ZNF366: variants seen among roughly 807,000 people sequenced by gnomAD.
ZNF366 encodes dendritic cell-specific transcript protein.
A neutral mutation model predicts 47.2 loss-of-function variants in ZNF366; 20 were observed. The ratio of observed to expected loss-of-function variants is 0.42; its 90% confidence interval spans 0.30 to 0.62. ZNF366 has a LOEUF of 0.62. ZNF366 is among the 20% of genes least tolerant of loss of function. The probability of loss-of-function intolerance (pLI) is 0.16; values close to 1 mark genes in which losing one functional copy is unlikely to be tolerated. For missense variants in ZNF366, 987 were observed against 976.3 expected, an observed-to-expected ratio of 1.01 and a Z score of -0.15; for synonymous variants, 421 against 395.1, an observed-to-expected ratio of 1.07 and a Z score of -0.78.
At chr5:72,484,580 G>C (rs1334926125) in intron 1 of ZNF366, among the ~76,000 whole-genome samples, 2 of 151,824 alleles carry the variant, frequency 1.3e-5, no homozygotes, top group African/African-American at 2.4e-5. Flanking sequence ...CTTTTGCTTT[G>C]GAATGAAGGC....
Position 72,460,899 on chromosome 5 carries a change from G to T in ZNF366, c.598C>A (p.Arg200=). The T allele has an allele frequency of 6.2e-7, 1 of 1,613,176 alleles. No individual in the cohort carries two copies. Among genetic ancestry groups the T allele is most frequent in the East Asian group, 2.2e-5 (1 of 44,852 alleles). ...GGCTGCTTGGGCAGGAAGGTGTGCC[G>T]GCTGAAGGGGAAGGGCGAGGACGAG... is the stretch of plus-strand genomic sequence containing the variant. The part of the protein sequence containing the change: ...VPSSSPFPFS[R]HTFLPKQPPE... The change falls in exon 2 of 5, where the codon CGG becomes AGG. Residue 200 remains arginine, a synonymous_variant. Transcript: ENST00000318442.
At chr5:72,481,449 T>G (rs192989361) in intron 1 of ZNF366, among the ~76,000 whole-genome samples, 136 of 152,322 alleles carry the variant, frequency 8.9e-4, no homozygotes, top group African/African-American at 3.2e-3. Flanking sequence ...TTATTATATA[T>G]CTCTATGCAC....
intron 4 of ZNF366, among the ~76,000 whole-genome samples, chr5:72,445,693 T>C (rs1742946017): frequency 6.6e-6 from 1 of 152,178 alleles, no homozygotes; most frequent in African/African-American, 2.4e-5. Flanking sequence ...TGCTTTCAGT[T>C]GGAGTGTGGT....
chr5:72,496,836 G>T lies in ZNF366; in HGVS notation c.-15+10415C>A, dbSNP rs919115817. Among the ~76,000 whole-genome samples, 12 of 152,220 alleles carry T rather than the reference G, an allele frequency of 7.9e-5. No individual in the cohort carries two copies. The South Asian group carries it at 2.1e-3, about 26-fold the overall frequency. ...TTTTTGGTTTTAGACATTTTACTGG[G>T]TGTGTAGTGATATCTCATCATGGTT... On this transcript the variant is annotated intron_variant, in intron 1 of 4. Coordinates refer to ENST00000318442, the MANE Select transcript of ZNF366 (RefSeq NM_152625.3).
chr5:72,479,246 G>A (rs934408992), intron 1 of ZNF366, among the ~76,000 whole-genome samples: 21 of 152,036 alleles, frequency 1.4e-4, no homozygotes, highest in Non-Finnish European at 4.4e-5. Flanking sequence ...AACTAGGAAG[G>A]TTGAATAGCC....
intron 1 of ZNF366, among the ~76,000 whole-genome samples, chr5:72,467,331 G>A (rs1039429447): frequency 4.6e-5 from 7 of 152,168 alleles, no homozygotes; most frequent in Non-Finnish European, 1.0e-4. Flanking sequence ...ATAAGAGTTG[G>A]TTATAGAAAT....
rs943812342 is a variant in ZNF366 at position 72,461,050 on chromosome 5, G to A, written c.447C>T (p.Pro149=). Residue 149 remains proline, a synonymous_variant, in exon 2 of 5, where the codon CCC becomes CCT. Transcript: ENST00000318442. ...TGGGCTTAATGGGTTCCTGCTTGAC[G>A]GGCTTGCCCCCAAAGTGTTCCAGGC... ...YRSLEHFGGK[P]VKQEPIKPSA... The A allele has an allele frequency of 5.6e-6, 9 of 1,613,996 alleles. No individual in the cohort carries two copies. In the African/African-American group the frequency reaches 1.1e-4, roughly 19 times the overall value.
Position 72,443,914 on chromosome 5 carries a change from A to G in ZNF366, c.2077T>C (p.Cys693Arg), listed in dbSNP as rs757276404. 2 of 1,614,074 alleles carry G rather than the reference A, an allele frequency of 1.2e-6. No homozygotes were observed. The part of the protein sequence containing the change: ...LGAEGGQERD[C>R]AGRDECLSLR... ...CTGAGACACTCATCTCTGCCGGCAC[A>G]GTCTCTCTCCTGGCCGCCCTCTGCC... is the stretch of plus-strand genomic sequence containing the variant. The change falls in exon 5 of 5, where the codon TGT becomes CGT. Residue 693 changes from cysteine to arginine, a missense_variant. Cys to Arg is a radical substitution (Grantham distance 180, BLOSUM62 -3). Around this residue, in one of 3 missense-constraint regions of ZNF366, gnomAD observed 285 missense variants for 234.8 expected, o/e 1.21. Transcript: ENST00000318442.
At chr5:72,481,708 C>T (rs1743793374) in intron 1 of ZNF366, among the ~76,000 whole-genome samples, 3 of 152,142 alleles carry the variant, frequency 2.0e-5, no homozygotes, top group African/African-American at 7.2e-5. Context: ...ATTAAGTAAG[C>T]TCCTACATTT....
intron 3 of ZNF366, among the ~76,000 whole-genome samples, chr5:72,452,635 C>G (rs1263469953): frequency 3.3e-5 from 5 of 152,180 alleles, no homozygotes; most frequent in African/African-American, 9.7e-5. Flanking sequence ...AGATCTCATC[C>G]CTATTCTGAC....
chr5:72,502,402 C>G (rs1744226793), intron 1 of ZNF366, among the ~76,000 whole-genome samples: 1 of 152,182 alleles, frequency 6.6e-6, no homozygotes, highest in Non-Finnish European at 1.5e-5. Flanking sequence ...TTTGCTGTCT[C>G]TATGTTCCTG....
intron 2 of ZNF366, among the ~76,000 whole-genome samples, chr5:72,458,398 A>G (rs764277994): frequency 3.3e-5 from 5 of 152,142 alleles, no homozygotes. Flanking sequence ...TCTGCTTATC[A>G]CTGTTTTCAG....
intron 1 of ZNF366, among the ~76,000 whole-genome samples, chr5:72,489,023 A>G (rs905635449): frequency 2.0e-5 from 3 of 152,224 alleles, no homozygotes; most frequent in African/African-American, 7.2e-5. Flanking sequence ...GTGTAATAAA[A>G]TGTGAGCACA....
At chr5:72,462,535 C>CTT (rs1743339943) in intron 1 of ZNF366, among the ~76,000 whole-genome samples, 1 of 81,344 alleles carries the variant, frequency 1.2e-5, no homozygotes, top group Non-Finnish European at 2.2e-5. Flanking sequence ...TTCTTTCTTT[C>CTT]TTTCTTTCTT....
intron 1 of ZNF366, among the ~76,000 whole-genome samples, chr5:72,479,165 C>T (rs1471872333): frequency 1.3e-5 from 2 of 152,198 alleles, no homozygotes. Flanking sequence ...AGCTCCAACT[C>T]ATAGGTAGAG....
chr5:72,464,753 G>A lies in ZNF366; in HGVS notation c.-14-3243C>T, dbSNP rs570245820. Among the ~76,000 whole-genome samples, 11 of 152,264 alleles carry A rather than the reference G, an allele frequency of 7.2e-5. No individual in the cohort carries two copies. The South Asian group carries it at 8.3e-4, about 11-fold the overall frequency. On this transcript the variant is annotated intron_variant, in intron 1 of 4. Transcript: ENST00000318442. ...ACACTAGAATAAAATCAGAAACCCA[G>A]AAGGTTTTTTAAAAAGTAGGATCTC...
chr5:72,478,325 A>T lies in ZNF366; in HGVS notation c.-14-16815T>A, dbSNP rs149681631. On this transcript the variant is annotated intron_variant, in intron 1 of 4. Coordinates refer to ENST00000318442, the MANE Select transcript of ZNF366 (RefSeq NM_152625.3). ...CACAAAAACACACACAACCACAAAG[A>T]TAGAATAATGGAAGGAAATGGAGCA... Among the ~76,000 whole-genome samples the T allele has an allele frequency of 1.5e-3, 217 of 147,448 alleles. 1 individual carries two copies. The highest frequency in any genetic ancestry group is 2.3e-3 in the Non-Finnish European group (150 of 66,040).
intron 1 of ZNF366, among the ~76,000 whole-genome samples, chr5:72,482,937 G>T (rs1288447836): frequency 6.6e-6 from 1 of 152,088 alleles, no homozygotes; most frequent in East Asian, 1.9e-4. Flanking sequence ...ATTAACATTT[G>T]CACCGTATGT....
Position 72,507,178 on chromosome 5 carries a change from T to C in ZNF366, c.-15+73A>G, listed in dbSNP as rs961944755. ...ACTACTCCCAGTAAGGTATTTTCTGTTGAAGATGCCCACAGCAGTATCCAC... is the reference window on the plus strand; with the variant it reads ...ACTACTCCCAGTAAGGTATTTTCTGCTGAAGATGCCCACAGCAGTATCCAC... On this transcript the variant is annotated intron_variant, in intron 1 of 4. Transcript: ENST00000318442. 8 of 975,904 alleles carry C rather than the reference T, an allele frequency of 8.2e-6. No individual in the cohort carries two copies. In the African/African-American group the frequency reaches 1.4e-4, roughly 17 times the overall value. The allele number at this position is 975,904 out of a possible 1,614,324, so 60.5% of individuals were successfully genotyped here. A position where few individuals can be genotyped will look rare whatever the true frequency, so the allele number is the denominator to read the frequency against.
Sources: gnomAD v4.1 joint callset for allele counts (sites outside exome capture counted in the v4.1 genomes callset) on GRCh38, gnomAD v4.1.1 for gene constraint, gnomAD v4.1.1 regional missense constraint, MANE v1.5 for transcripts, NCBI Gene and HGNC (gene_info 2026-07-23, HGNC 2026-07-21) for gene names.